LAMA2: variants seen among roughly 807,000 people sequenced by gnomAD.
The protein encoded by LAMA2 is laminin subunit alpha 2.
LAMA2 carries 269 observed loss-of-function variants against 364.8 expected under a neutral mutation model. The ratio of observed to expected loss-of-function variants is 0.74; its 90% CI spans 0.67 to 0.82. The LOEUF (loss-of-function observed/expected upper bound fraction) is 0.82. Ranked by LOEUF, LAMA2 falls within the 40% of genes least tolerant of loss-of-function variation. The pLI is 0.00. For synonymous variants in LAMA2, 1,379 were observed against 1,370.6 expected (o/e 1.01, Z -0.14); for missense variants, 3,807 against 3,873.2 (o/e 0.98, Z 0.45).
At chr6:128,903,417 A>G (rs895041905) in intron 1 of LAMA2, among the ~76,000 whole-genome samples, 2 of 152,178 alleles carry the variant, frequency 1.3e-5, no homozygotes, top group Non-Finnish European at 2.9e-5. Flanking sequence ...AGAAATTGCC[A>G]TTGATTTACA....
At chr6:129,235,900 T>G (rs1057071435) in intron 12 of LAMA2, among the ~76,000 whole-genome samples, 1 of 152,222 alleles carries the variant, frequency 6.6e-6, no homozygotes, top group East Asian at 1.9e-4. Flanking sequence ...TTCTAATGAT[T>G]TATCTACTCA....
chr6:129,479,114 ATTTTTGTCATCCATTT>A (rs1345503310), intron 54 of LAMA2, among the ~76,000 whole-genome samples: 1 of 151,266 alleles, frequency 6.6e-6, no homozygotes, highest in Non-Finnish European at 1.5e-5. Context: ...CCTTTTCCTT[ATTTTTGTCATCCATTT>A]TAAATTTATT....
chr6:129,438,106 G>C (rs1286709853), intron 41 of LAMA2, among the ~76,000 whole-genome samples: 1 of 151,522 alleles, frequency 6.6e-6, no homozygotes, highest in East Asian at 1.9e-4. Flanking sequence ...TTCTTTATGA[G>C]AAAAATGACT....
chr6:129,218,198 T>C (rs1389178132), intron 12 of LAMA2, among the ~76,000 whole-genome samples: 2 of 152,210 alleles, frequency 1.3e-5, no homozygotes, highest in Non-Finnish European at 2.9e-5. Context: ...TATTCCAACA[T>C]TAACATCTCA....
intron 12 of LAMA2, among the ~76,000 whole-genome samples, chr6:129,200,765 C>T (rs1316083734): frequency 6.6e-6 from 1 of 151,990 alleles, no homozygotes; most frequent in Non-Finnish European, 1.5e-5. Context: ...CCATAGATAT[C>T]ACATACATAG....
intron 40 of LAMA2, among the ~76,000 whole-genome samples, chr6:129,413,766 GTAC>G (rs1411561566): frequency 1.3e-5 from 2 of 152,106 alleles, no homozygotes; most frequent in African/African-American, 4.8e-5. Context: ...AAATAAAGTG[GTAC>G]CAACAGGAAA....
At chr6:129,062,060 G>A (rs1788958190) in intron 3 of LAMA2, among the ~76,000 whole-genome samples, 2 of 152,298 alleles carry the variant, frequency 1.3e-5, no homozygotes, top group South Asian at 4.1e-4. Flanking sequence ...TTTCGTGATG[G>A]AACTTCTCAG....
At chr6:129,446,191 A>G (rs975300791) in intron 45 of LAMA2, among the ~76,000 whole-genome samples, 2 of 152,054 alleles carry the variant, frequency 1.3e-5, no homozygotes, top group Non-Finnish European at 2.9e-5. Flanking sequence ...AAAAAGGCCA[A>G]CTAATGGGGT....
At chr6:128,981,089 C>T (rs952612533) in intron 1 of LAMA2, among the ~76,000 whole-genome samples, 14 of 152,102 alleles carry the variant, frequency 9.2e-5, no homozygotes, top group African/African-American at 3.4e-4. Flanking sequence ...GAAACCTAGG[C>T]ATCATCCCTT....
chr6:129,515,763 T>C (rs983860644), intron 64 of LAMA2, among the ~76,000 whole-genome samples: 1 of 152,222 alleles, frequency 6.6e-6, no homozygotes, highest in Non-Finnish European at 1.5e-5. Context: ...TAATTCTAGA[T>C]GTTTTCATAT....
chr6:129,267,752 A>G (rs979801718), intron 16 of LAMA2, among the ~76,000 whole-genome samples: 1 of 152,138 alleles, frequency 6.6e-6, no homozygotes, highest in African/African-American at 2.4e-5. Flanking sequence ...TATTCACCAG[A>G]GCTGCTTCTC....
chr6:128,947,321 G>T (rs1780541804), intron 1 of LAMA2, among the ~76,000 whole-genome samples: 1 of 152,146 alleles, frequency 6.6e-6, no homozygotes, highest in African/African-American at 2.4e-5. Flanking sequence ...TTAAGACTAA[G>T]CTCAAGGGTC....
intron 22 of LAMA2, among the ~76,000 whole-genome samples, chr6:129,304,832 TA>T (rs1173829960): frequency 6.6e-6 from 1 of 152,230 alleles, no homozygotes; most frequent in Non-Finnish European, 1.5e-5. Flanking sequence ...TCTGAGAACA[TA>T]ATCTGCATTA....
chr6:129,226,819 C>G (rs559573682), intron 12 of LAMA2, among the ~76,000 whole-genome samples: 2 of 152,116 alleles, frequency 1.3e-5, no homozygotes, highest in African/African-American at 2.4e-5. Flanking sequence ...CTTGAAGTTG[C>G]TCTTCTCGAG....
In LAMA2 at chr6:128,909,872, AT is replaced by A. The variant is rs1384273578; in HGVS notation, c.112+26519del. ...CTCAGCATTTGCTTGTCTGTAAAGTATTTTATTTCTCCTTCGCTTATGAAGC... is the reference window on the plus strand; with the variant it reads ...CTCAGCATTTGCTTGTCTGTAAAGTATTTATTTCTCCTTCGCTTATGAAGC... On this transcript the variant is annotated intron_variant, in intron 1 of 64. Coordinates refer to ENST00000421865, the MANE Select transcript of LAMA2 (RefSeq NM_000426.4). Among the ~76,000 whole-genome samples, 1,032 of 151,510 alleles carry A rather than the reference AT, an allele frequency of 6.8e-3. 12 individuals carry two copies. Among genetic ancestry groups the A allele is most frequent in the African/African-American group, 0.024 (976 of 41,302 alleles).
chr6:129,222,111 A>T (rs1235980199), intron 12 of LAMA2, among the ~76,000 whole-genome samples: 1 of 152,186 alleles, frequency 6.6e-6, no homozygotes, highest in Non-Finnish European at 1.5e-5. Context: ...AGATAGTTGC[A>T]AACATTGCTC....
At chr6:129,390,306 TG>T (rs1779251168) in intron 35 of LAMA2, among the ~76,000 whole-genome samples, 1 of 152,144 alleles carries the variant, frequency 6.6e-6, no homozygotes, top group South Asian at 2.1e-4. Context: ...AAGGTGGTGA[TG>T]CTGCTGCTGC....
At chr6:129,498,304 G>A (rs1785351580) in intron 58 of LAMA2, among the ~76,000 whole-genome samples, 1 of 152,226 alleles carries the variant, frequency 6.6e-6, no homozygotes, top group Admixed American at 6.5e-5. Context: ...ATAGAGGAAA[G>A]GAAAGCGATT....
At chr6:129,162,834 A>G (rs1222026459) in intron 8 of LAMA2, among the ~76,000 whole-genome samples, 1 of 151,920 alleles carries the variant, frequency 6.6e-6, no homozygotes, top group Non-Finnish European at 1.5e-5. Flanking sequence ...ATGTTTTTAC[A>G]TTTGTAAAGG....
Sources: allele counts gnomAD v4.1 joint callset (sites outside exome capture counted in the v4.1 genomes callset), GRCh38; gene constraint gnomAD v4.1.1; transcripts MANE v1.5; gene names NCBI Gene and HGNC (gene_info 2026-07-23, HGNC 2026-07-21).